The following SYT1 variants were observed in gnomAD, a reference collection of about 807,000 sequenced individuals.
The protein encoded by SYT1 is synaptotagmin 1.
Under a neutral mutation model 44.8 loss-of-function variants are expected in SYT1, and 8 were observed. The observed-to-expected ratio is 0.18, with a 90% CI of 0.10 to 0.32. The LOEUF (loss-of-function observed/expected upper bound fraction) is 0.32, where lower values mean the gene tolerates loss of function less well. SYT1 is among the 10% of genes least tolerant of loss of function. The pLI is 1.00. For synonymous variants in SYT1, 154 were observed against 188.8 expected (o/e 0.82, Z 1.51); for missense variants, 286 against 509.3 (o/e 0.56, Z 4.22).
At chr12:79,197,559 G>A (rs1873535779) in intron 3 of SYT1, among the ~76,000 whole-genome samples, 2 of 152,054 alleles carry the variant, frequency 1.3e-5, no homozygotes, top group South Asian at 2.1e-4. Context: ...AAGAGAAAAT[G>A]CTTAAGAATT....
chr12:78,937,140 G>A (rs1020494925), intron 1 of SYT1, among the ~76,000 whole-genome samples: 104 of 152,286 alleles, frequency 6.8e-4, no homozygotes, highest in African/African-American at 2.3e-3. Flanking sequence ...CCTAGAATCA[G>A]GAAGCAGCCT....
rs144991175 is a variant in SYT1 at position 79,233,989 on chromosome 12, G to A, written c.166+16304G>A. Among the ~76,000 whole-genome samples, 82 of 152,228 alleles carry A rather than the reference G, an allele frequency of 5.4e-4. 1 individual carries two copies. The highest frequency in any genetic ancestry group is 1.8e-3 in the African/African-American group (73 of 41,522). On this transcript the variant is annotated intron_variant, in intron 4 of 10. Coordinates refer to ENST00000261205, the MANE Select transcript of SYT1 (RefSeq NM_005639.3). Reference sequence around the variant, plus strand: ...CCCTTAGGCAGGGATAGTTGGATCCGTATGTACAAGGCACCCCACACAATG... The same window carrying A: ...CCCTTAGGCAGGGATAGTTGGATCCATATGTACAAGGCACCCCACACAATG...
Position 78,926,497 on chromosome 12 carries a change from A to G in SYT1, c.-216-51302A>G, listed in dbSNP as rs558726012. The G allele has an allele frequency of 2.0e-5, 3 of 152,236 alleles. No individual in the cohort carries two copies. The South Asian group carries it at 6.2e-4, about 32-fold the overall frequency. 9.4% of individuals were successfully genotyped at this position (152,236 alleles called of 1,614,324 possible). A position where few individuals can be genotyped will look rare whatever the true frequency, so the allele number is the denominator to read the frequency against. On this transcript the variant is annotated intron_variant, in intron 1 of 10. Coordinates refer to ENST00000261205, the MANE Select transcript of SYT1 (RefSeq NM_005639.3). Reference sequence around the variant, plus strand: ...TATTTTCCTATTTTGTGAATCATATATCCTTACTAAAGCATCTTTTTACTT... The same window carrying G: ...TATTTTCCTATTTTGTGAATCATATGTCCTTACTAAAGCATCTTTTTACTT...
At chr12:79,433,039 G>A (rs1002169403) in intron 9 of SYT1, among the ~76,000 whole-genome samples, 1 of 152,148 alleles carries the variant, frequency 6.6e-6, no homozygotes, top group Admixed American at 6.5e-5. Flanking sequence ...AGTTCAAAAT[G>A]AGGAAATGAG....
chr12:79,400,737 G>C (rs1210638704), intron 9 of SYT1, among the ~76,000 whole-genome samples: 3 of 152,330 alleles, frequency 2.0e-5, no homozygotes, highest in African/African-American at 7.2e-5. Context: ...TTGCTGAAAG[G>C]CAGGTGTTGT....
At chr12:79,077,605 T>C (rs1382780786) in intron 3 of SYT1, among the ~76,000 whole-genome samples, 1 of 152,218 alleles carries the variant, frequency 6.6e-6, no homozygotes, top group East Asian at 1.9e-4. Flanking sequence ...AATAAAGTGA[T>C]ATTAAGCAAT....
At chr12:79,388,494 A>G (rs1030800490) in intron 9 of SYT1, among the ~76,000 whole-genome samples, 1 of 152,132 alleles carries the variant, frequency 6.6e-6, no homozygotes, top group South Asian at 2.1e-4. Context: ...CAGGAGTTCA[A>G]GACCAGACTG....
At chr12:79,203,445 A>G (rs1227316050) in intron 3 of SYT1, among the ~76,000 whole-genome samples, 2 of 152,216 alleles carry the variant, frequency 1.3e-5, no homozygotes, top group African/African-American at 4.8e-5. Context: ...AAGGTTAGAA[A>G]AACATTTCCA....
Position 79,447,617 on chromosome 12 carries a change from C to T in SYT1, c.1063-1301C>T, listed in dbSNP as rs377664727. ...CACCCCATTCATTACAATATGATTGCTTCCTGATAAATTTGCTTAGAACAA... is the reference window on the plus strand; with the variant it reads ...CACCCCATTCATTACAATATGATTGTTTCCTGATAAATTTGCTTAGAACAA... On this transcript the variant is annotated intron_variant, in intron 10 of 10. Transcript: ENST00000261205. 2.6e-5 allele frequency among the ~76,000 whole-genome samples: 4 copies of T among 152,142 alleles called. No individual in the cohort carries two copies. The East Asian group carries it at 5.8e-4, about 22-fold the overall frequency.
At chr12:78,913,883 C>G (rs1477762220) in intron 1 of SYT1, among the ~76,000 whole-genome samples, 1 of 151,624 alleles carries the variant, frequency 6.6e-6, no homozygotes, top group Non-Finnish European at 1.5e-5. Flanking sequence ...TATTGTGTCT[C>G]TAGGAGTCTC....
intron 4 of SYT1, among the ~76,000 whole-genome samples, chr12:79,226,243 T>C (rs1042320686): frequency 1.3e-5 from 2 of 152,202 alleles, no homozygotes; most frequent in Non-Finnish European, 2.9e-5. Context: ...ACGTTGAAAA[T>C]GTAATTGTTT....
At chr12:78,898,525 C>T (rs1440209722) in intron 1 of SYT1, among the ~76,000 whole-genome samples, 1 of 151,990 alleles carries the variant, frequency 6.6e-6, no homozygotes, top group Admixed American at 6.6e-5. Context: ...AGTTGAATGG[C>T]TTTAATCTAG....
intron 3 of SYT1, among the ~76,000 whole-genome samples, chr12:79,145,906 C>G (rs1021696245): frequency 5.9e-5 from 9 of 151,632 alleles, no homozygotes; most frequent in African/African-American, 2.2e-4. Context: ...TACAGGCGCC[C>G]GCCACTACGC....
chr12:79,206,917 T>C (rs1417610956), intron 3 of SYT1, among the ~76,000 whole-genome samples: 1 of 152,224 alleles, frequency 6.6e-6, no homozygotes, highest in Non-Finnish European at 1.5e-5. Context: ...CATTGGACAG[T>C]GATCACAGAT....
At chr12:79,158,535 G>A (rs1870746495) in intron 3 of SYT1, among the ~76,000 whole-genome samples, 1 of 152,080 alleles carries the variant, frequency 6.6e-6, no homozygotes, top group South Asian at 2.1e-4. Context: ...GGGGACCCCT[G>A]CTATAATCAC....
intron 3 of SYT1, among the ~76,000 whole-genome samples, chr12:79,118,116 A>G (rs1879401321): frequency 6.6e-6 from 1 of 151,636 alleles, no homozygotes; most frequent in African/African-American, 2.4e-5. Flanking sequence ...TGATCTTTTT[A>G]GAGCTGATCT....
At chr12:79,112,390 C>A (rs986676733) in intron 3 of SYT1, among the ~76,000 whole-genome samples, 4 of 152,026 alleles carry the variant, frequency 2.6e-5, no homozygotes, top group Non-Finnish European at 4.4e-5. Flanking sequence ...AAAAAAAGTT[C>A]TATTTCTTAG....
At chr12:78,912,369 A>T (rs1876388615) in intron 1 of SYT1, among the ~76,000 whole-genome samples, 1 of 151,994 alleles carries the variant, frequency 6.6e-6, no homozygotes, top group African/African-American at 2.4e-5. Context: ...AGAATGAATA[A>T]AGATAAGGTT....
At chr12:79,141,829 C>T (rs567065946) in intron 3 of SYT1, among the ~76,000 whole-genome samples, 6 of 152,248 alleles carry the variant, frequency 3.9e-5, no homozygotes, top group Admixed American at 1.3e-4. Flanking sequence ...TTCTAAGAAA[C>T]GTCATAGGGC....
Sources: allele counts gnomAD v4.1 joint callset (sites outside exome capture counted in the v4.1 genomes callset), GRCh38; gene constraint gnomAD v4.1.1; transcripts MANE v1.5; gene names NCBI Gene and HGNC (gene_info 2026-07-23, HGNC 2026-07-21).